Variants in FASLG observed in about 807,000 individuals in gnomAD.
FASLG encodes the protein tumor necrosis factor ligand superfamily member 6.
FASLG carries 9 observed loss-of-function variants against 24.6 expected under a neutral mutation model. The observed-to-expected ratio is 0.37, with a 90% CI of 0.22 to 0.64. The LOEUF (loss-of-function observed/expected upper bound fraction) is 0.64, where lower values mean the gene tolerates loss of function less well. Ranked by LOEUF, FASLG falls within the 30% of genes least tolerant of loss-of-function variation. The pLI, the probability that FASLG is intolerant of heterozygous loss-of-function variation, is 0.64. For missense variants in FASLG, 306 were observed against 345.3 expected (o/e 0.89, Z 0.90); for synonymous variants, 130 against 135.5 (o/e 0.96, Z 0.28).
At chr1:172,660,646 T>A (rs1659117877) in intron 2 of FASLG, among the ~76,000 whole-genome samples, 1 of 152,232 alleles carries the variant, frequency 6.6e-6, no homozygotes, top group African/African-American at 2.4e-5. Context: ...GGATAATCAA[T>A]TCCCCACATT....
chr1:172,666,268 A>T lies in FASLG; in HGVS notation c.*252A>T. 3 of 505,480 alleles carry T rather than the reference A, an allele frequency of 5.9e-6. No homozygotes were observed. The highest frequency in any genetic ancestry group is 3.2e-5 in the Admixed American group (1 of 31,388). The allele number at this position is 505,480 out of a possible 1,614,324, so 31.3% of individuals were successfully genotyped here. A position where few individuals can be genotyped will look rare whatever the true frequency, so the allele number is the denominator to read the frequency against. The stretch of plus-strand genomic sequence containing the variant: ...GCCATGTGAAGAGGGAGAAGCATGA[A>T]AAAGCAGCTACCAGGTGTTCTACAC... On this transcript the variant is annotated 3_prime_UTR_variant, in exon 4 of 4. Transcript: ENST00000367721.
intron 2 of FASLG, among the ~76,000 whole-genome samples, chr1:172,660,501 C>T (rs1413381610): frequency 6.6e-6 from 1 of 152,224 alleles, no homozygotes; most frequent in Non-Finnish European, 1.5e-5. Context: ...GCTGTAACTC[C>T]TGGGAAGAGA....
At chr1:172,664,274 C>A in intron 2 of FASLG, 60 bp from the exon 3 acceptor site, 1 of 1,547,204 alleles carries the variant, frequency 6.5e-7, no homozygotes, top group East Asian at 2.3e-5. Context: ...TTTAAATTCC[C>A]ACCAAAATAA....
At chr1:172,660,620 TA>T (rs1659117560) in intron 2 of FASLG, among the ~76,000 whole-genome samples, 1 of 152,240 alleles carries the variant, frequency 6.6e-6, no homozygotes. Flanking sequence ...TTATAGGATG[TA>T]AGCTTTTAAA....
chr1:172,659,620 C>T, intron 1 of FASLG, 71 bp downstream of exon 1: 1 of 1,557,364 alleles, frequency 6.4e-7, no homozygotes, highest in Non-Finnish European at 8.6e-7. Context: ...CACTGCCTGG[C>T]TTGCAAAGTG....
chr1:172,659,645 T>A, intron 1 of FASLG, 96 bp downstream of exon 1: 1 of 1,480,876 alleles, frequency 6.8e-7, no homozygotes. Flanking sequence ...TCAATCCTTT[T>A]TTTTTTTTTC....
rs1203353351 is a variant in FASLG, at chr1:172,666,491, G to A, written c.*475G>A. 5 of 162,960 alleles carry A rather than the reference G, an allele frequency of 3.1e-5. No individual in the cohort carries two copies. Among genetic ancestry groups the A allele is most frequent in the African/African-American group, 9.6e-5 (4 of 41,616 alleles). The allele number at this position is 162,960 out of a possible 1,614,324, so 10.1% of individuals were successfully genotyped here. ...GCTGAAAGAGGCCAATGCCCCACTGGCAGCATCTTCACTTCTAAATGCATA... is the reference window on the plus strand; with the variant it reads ...GCTGAAAGAGGCCAATGCCCCACTGACAGCATCTTCACTTCTAAATGCATA... On this transcript the variant is annotated 3_prime_UTR_variant, in exon 4 of 4. Transcript: ENST00000367721.
chr1:172,666,277 T>G lies in FASLG; in HGVS notation c.*261T>G. On this transcript the variant is annotated 3_prime_UTR_variant, in exon 4 of 4. Coordinates refer to ENST00000367721, the MANE Select transcript of FASLG (RefSeq NM_000639.3). The stretch of plus-strand genomic sequence containing the variant: ...AGAGGGAGAAGCATGAAAAAGCAGC[T>G]ACCAGGTGTTCTACACTCATCTTAG... The G allele has an allele frequency of 2.0e-6, 1 of 497,272 alleles. No homozygotes were observed. The highest frequency in any genetic ancestry group is 3.7e-6 in the Non-Finnish European group (1 of 273,462). 30.8% of individuals were successfully genotyped at this position (497,272 alleles called of 1,614,324 possible). A position where few individuals can be genotyped will look rare whatever the true frequency, so the allele number is the denominator to read the frequency against.
intron 2 of FASLG, among the ~76,000 whole-genome samples, chr1:172,661,315 G>A (rs533020734): frequency 6.6e-6 from 1 of 152,294 alleles, no homozygotes; most frequent in South Asian, 2.1e-4. Context: ...TACTGCACAT[G>A]ACCCAGTCGC....
chr1:172,659,195 A>T lies in FASLG; in HGVS notation c.-7A>T. Reference sequence around the variant, plus strand: ...TTTGCTGGGGCTGGCCTGACTCACCAGCTGCCATGCAGCAGCCCTTCAATT... The same window carrying T: ...TTTGCTGGGGCTGGCCTGACTCACCTGCTGCCATGCAGCAGCCCTTCAATT... On this transcript the variant is annotated 5_prime_UTR_variant, in exon 1 of 4. Coordinates refer to ENST00000367721, the MANE Select transcript of FASLG (RefSeq NM_000639.3). The T allele has an allele frequency of 6.2e-7, 1 of 1,614,150 alleles. No homozygotes were observed. The highest frequency in any genetic ancestry group is 8.5e-7 in the Non-Finnish European group (1 of 1,180,014).
chr1:172,661,909 T>G (rs1659151484), intron 2 of FASLG, among the ~76,000 whole-genome samples: 1 of 152,190 alleles, frequency 6.6e-6, no homozygotes, highest in African/African-American at 2.4e-5. Context: ...ACTAGTAGTT[T>G]ACGTTGTAAT....
At chr1:172,664,772 C>T (rs1659222402) in intron 3 of FASLG, among the ~76,000 whole-genome samples, 1 of 152,306 alleles carries the variant, frequency 6.6e-6, no homozygotes, top group South Asian at 2.1e-4. Flanking sequence ...AAGAGCTTCA[C>T]TCTGCTTTGT....
chr1:172,659,418 A>G lies in FASLG; in HGVS notation c.217A>G (p.Lys73Glu). 2 of 1,613,362 alleles carry G rather than the reference A, an allele frequency of 1.2e-6. No homozygotes were observed. The highest frequency in any genetic ancestry group is 1.7e-6 in the Non-Finnish European group (2 of 1,179,640). ...TCCACTACCGCTGCCACCCCTGAAGAAGAGAGGGAACCACAGCACAGGCCT... is the reference window on the plus strand; with the variant it reads ...TCCACTACCGCTGCCACCCCTGAAGGAGAGAGGGAACCACAGCACAGGCCT... ...LPPLPLPPLK[K>E]RGNHSTGLCL... Residue 73 changes from lysine (K) to glutamate (E), a missense_variant, in exon 1 of 4, where the codon AAG becomes GAG. Physicochemically the swap from Lys to Glu is moderately conservative, Grantham distance 56 (BLOSUM62 1). Transcript: ENST00000367721.
intron 2 of FASLG, among the ~76,000 whole-genome samples, chr1:172,663,691 G>A (rs987026785): frequency 1.3e-5 from 2 of 152,132 alleles, no homozygotes; most frequent in South Asian, 4.2e-4. Context: ...CGGCATCTTC[G>A]GGGAGGAGCA....
chr1:172,664,112 T>C (rs1300687886), intron 2 of FASLG, among the ~76,000 whole-genome samples: 5 of 152,252 alleles, frequency 3.3e-5, no homozygotes, highest in African/African-American at 4.8e-5. Flanking sequence ...TTATAATTTA[T>C]ACATATGTCA....
Position 172,659,134 on chromosome 1 carries a change from C to T in FASLG, c.-68C>T, listed in dbSNP as rs1204079866. 1.9e-6 allele frequency: 3 copies of T among 1,608,440 alleles called. No individual in the cohort carries two copies. Among genetic ancestry groups the T allele is most frequent in the East Asian group, 2.2e-5 (1 of 44,760 alleles). ...CAGCAACAGGGTCCCGTCCTTGACA[C>T]CTCAGCCTCTACAGGACTGAGAAGA... is the stretch of plus-strand genomic sequence containing the variant. On this transcript the variant is annotated 5_prime_UTR_variant, in exon 1 of 4. Coordinates refer to ENST00000367721, the MANE Select transcript of FASLG (RefSeq NM_000639.3).
At chr1:172,664,283 A>C in intron 2 of FASLG, 51 bp from the exon 3 acceptor site, 1 of 1,573,044 alleles carries the variant, frequency 6.4e-7, no homozygotes, top group Non-Finnish European at 8.7e-7. Flanking sequence ...CCACCAAAAT[A>C]ATAGTTGCTA....
chr1:172,664,365 G>A lies in FASLG; in HGVS notation c.426G>A (p.Glu142=). ...CCAGTCCACCCCCTGAAAAAAAGGAGCTGAGGAAAGTGGCCCATTTAACAG... is the reference window on the plus strand; with the variant it reads ...CCAGTCCACCCCCTGAAAAAAAGGAACTGAGGAAAGTGGCCCATTTAACAG... ...GHPSPPPEKK[E]LRKVAHLTGK... is the part of the protein sequence containing the mutation. Residue 142 remains glutamate, a synonymous_variant, in exon 3 of 4, where the codon GAG becomes GAA. Coordinates refer to ENST00000367721, the MANE Select transcript of FASLG (RefSeq NM_000639.3). 1.2e-6 allele frequency: 2 copies of A among 1,614,030 alleles called. No individual in the cohort carries two copies. The highest frequency in any genetic ancestry group is 1.3e-5 in the African/African-American group (1 of 75,022).
At chr1:172,662,575 A>T (rs1468009629) in intron 2 of FASLG, among the ~76,000 whole-genome samples, 2 of 152,030 alleles carry the variant, frequency 1.3e-5, no homozygotes, top group Non-Finnish European at 2.9e-5. Flanking sequence ...TGTTTACGCT[A>T]ACACCTTGGG....
Sources: gnomAD v4.1 joint callset for allele counts (sites outside exome capture counted in the v4.1 genomes callset) on GRCh38, gnomAD v4.1.1 for gene constraint, MANE v1.5 for transcripts, NCBI Gene and HGNC (gene_info 2026-07-23, HGNC 2026-07-21) for gene names.